The following ACYP2 variants were observed in gnomAD, a reference collection of about 807,000 sequenced individuals.
ACYP2 encodes the protein acylphosphatase 2, also known as acylphosphatase-2.
A neutral mutation model predicts 11.2 loss-of-function variants in ACYP2; 12 were observed. The observed-to-expected ratio is 1.08, with a 90% confidence interval of 0.69 to 1.74. The LOEUF is 1.74. Among genes scored for constraint, ACYP2 ranks in the 40% most tolerant of loss-of-function variants. The pLI is 0.00. For missense variants in ACYP2, 134 were observed against 101.9 expected, an observed-to-expected ratio of 1.31 and a Z score of -1.35; for synonymous variants, 43 against 32.2, an observed-to-expected ratio of 1.33 and a Z score of -1.13.
chr2:54,044,173 C>A (rs1413339753), intron 2 of ACYP2, among the ~76,000 whole-genome samples: 1 of 152,184 alleles, frequency 6.6e-6, no homozygotes, highest in East Asian at 1.9e-4. Flanking sequence ...CACAGTTACT[C>A]CATACACACC....
chr2:53,990,650 A>G (rs1169647019), intron 2 of ACYP2, among the ~76,000 whole-genome samples: 11 of 141,202 alleles, frequency 7.8e-5, no homozygotes, highest in Non-Finnish European at 1.2e-4. Context: ...ACTCCGTCTT[A>G]CCAAAAAAAA....
chr2:54,007,155 A>G (rs529263268), intron 2 of ACYP2, among the ~76,000 whole-genome samples: 30 of 146,124 alleles, frequency 2.1e-4, no homozygotes, highest in South Asian at 4.2e-4. Context: ...AAAAAAAAAA[A>G]AAAAAAAAAG....
At chr2:54,068,657 A>G (rs187354803) in intron 4 of ACYP2, among the ~76,000 whole-genome samples, 1 of 152,318 alleles carries the variant, frequency 6.6e-6, no homozygotes, top group East Asian at 1.9e-4. Context: ...CTCATAATAA[A>G]GTCTCTCTTT....
intron 4 of ACYP2, among the ~76,000 whole-genome samples, chr2:54,119,897 T>A (rs1680045611): frequency 6.6e-6 from 1 of 152,216 alleles, no homozygotes; most frequent in Non-Finnish European, 1.5e-5. Context: ...AGACTTACCT[T>A]GTTGTCGATG....
chr2:54,003,296 G>C (rs1015366073), intron 2 of ACYP2, among the ~76,000 whole-genome samples: 2 of 151,570 alleles, frequency 1.3e-5, no homozygotes, highest in Non-Finnish European at 2.9e-5. Flanking sequence ...TTTCACTCTT[G>C]TTGCCCAGGC....
intron 6 of ACYP2, among the ~76,000 whole-genome samples, chr2:54,189,182 A>G (rs1684134867): frequency 6.6e-6 from 1 of 152,218 alleles, no homozygotes; most frequent in South Asian, 2.1e-4. Flanking sequence ...GTGTGATCAG[A>G]GCAGCTATAA....
chr2:54,230,311 T>C (rs943313652), intron 6 of ACYP2, among the ~76,000 whole-genome samples: 6 of 152,178 alleles, frequency 3.9e-5, no homozygotes, highest in Non-Finnish European at 7.3e-5. Flanking sequence ...GAGCTTCCTC[T>C]GCACAATAAA....
At chr2:54,138,833 C>T (rs1681427594) in intron 6 of ACYP2, 85 bp downstream of exon 3, 2 of 1,142,296 alleles carry the variant, frequency 1.8e-6, no homozygotes, top group South Asian at 2.9e-5. Flanking sequence ...TGCTCTGTTG[C>T]CCAGGTTGGA....
At chr2:54,075,326 C>A (rs936402514) in intron 4 of ACYP2, among the ~76,000 whole-genome samples, 8 of 151,974 alleles carry the variant, frequency 5.3e-5, no homozygotes, top group African/African-American at 1.5e-4. Flanking sequence ...TGGTGAAACC[C>A]CGTTTCTACT....
At chr2:54,180,373 A>T (rs1442618124) in intron 6 of ACYP2, among the ~76,000 whole-genome samples, 4 of 151,924 alleles carry the variant, frequency 2.6e-5, no homozygotes, top group African/African-American at 9.7e-5. Flanking sequence ...GGGGCTGAAT[A>T]TCTTAAACCT....
At chr2:53,985,220 C>T (rs903850552) in intron 2 of ACYP2, among the ~76,000 whole-genome samples, 2 of 152,062 alleles carry the variant, frequency 1.3e-5, no homozygotes, top group African/African-American at 4.8e-5. Context: ...CAGGCGCCTG[C>T]CGCCACGCCC....
At chr2:54,162,512 A>G (rs1429440710) in intron 6 of ACYP2, among the ~76,000 whole-genome samples, 1 of 152,144 alleles carries the variant, frequency 6.6e-6, no homozygotes, top group Non-Finnish European at 1.5e-5. Context: ...CAGCAGCACC[A>G]TGGATATCAC....
intron 6 of ACYP2, among the ~76,000 whole-genome samples, chr2:54,287,048 A>T (rs770235163): frequency 2.0e-5 from 3 of 152,164 alleles, no homozygotes; most frequent in Non-Finnish European, 4.4e-5. Context: ...TTTTCACTAA[A>T]GGTGAGTGCA....
intron 6 of ACYP2, among the ~76,000 whole-genome samples, chr2:54,218,662 AGCCT>A (rs1558621292): frequency 6.6e-6 from 1 of 152,000 alleles, no homozygotes; most frequent in Non-Finnish European, 1.5e-5. Flanking sequence ...AATAACAAGA[AGCCT>A]AGAGGTAGTC....
At chr2:54,066,238 C>T (rs1247998144) in intron 4 of ACYP2, among the ~76,000 whole-genome samples, 1 of 152,142 alleles carries the variant, frequency 6.6e-6, no homozygotes, top group Non-Finnish European at 1.5e-5. Flanking sequence ...GGAGTTTTCA[C>T]GTGATCTGAT....
chr2:54,089,234 C>A (rs773934901), intron 4 of ACYP2, among the ~76,000 whole-genome samples: 1 of 152,040 alleles, frequency 6.6e-6, no homozygotes, highest in African/African-American at 2.4e-5. Context: ...AGTCAATGAA[C>A]CTTGAATAAC....
chr2:54,056,271 AGAT>A (rs1408834706), intron 3 of ACYP2, among the ~76,000 whole-genome samples: 2 of 152,224 alleles, frequency 1.3e-5, no homozygotes, highest in African/African-American at 4.8e-5. Context: ...GCAGCAAAGA[AGAT>A]ATCACCATTC....
chr2:54,248,172 C>T (rs1687048349), intron 6 of ACYP2, among the ~76,000 whole-genome samples: 2 of 152,178 alleles, frequency 1.3e-5, no homozygotes, highest in South Asian at 4.1e-4. Context: ...AACTAATGTA[C>T]TTAGAAGGAT....
intron 6 of ACYP2, among the ~76,000 whole-genome samples, chr2:54,276,008 A>G (rs1688545723): frequency 6.6e-6 from 1 of 152,218 alleles, no homozygotes; most frequent in Non-Finnish European, 1.5e-5. Context: ...AGTTGAAACT[A>G]GAACTTAAAT....
Sources: allele counts gnomAD v4.1 joint callset (sites outside exome capture counted in the v4.1 genomes callset), GRCh38; gene constraint gnomAD v4.1.1; transcripts MANE v1.5; gene names NCBI Gene and HGNC (gene_info 2026-07-23, HGNC 2026-07-21).